The following FBXW8 variants were observed in gnomAD, a reference collection of about 807,000 sequenced individuals.
FBXW8 encodes the protein F-box/WD repeat-containing protein 8.
In FBXW8, 57 loss-of-function variants were observed where a neutral mutation model predicts 65.3. That is an observed-to-expected ratio of 0.87 (90% CI 0.71 to 1.09). FBXW8 has a LOEUF of 1.09. Ranked by LOEUF, FBXW8 falls within the 50% of genes least tolerant of loss-of-function variation. The pLI, the probability that FBXW8 is intolerant of heterozygous loss-of-function variation, is 0.00. For synonymous variants in FBXW8, 308 were observed against 330.2 expected (o/e 0.93, Z 0.73); for missense variants, 777 against 814.8 (o/e 0.95, Z 0.57).
chr12:117,027,900 A>C, intron 10 of FBXW8, 128 bp from the exon 11 acceptor site: 1 of 1,269,370 alleles, frequency 7.9e-7, no homozygotes, highest in Non-Finnish European at 1.1e-6. Flanking sequence ...CTGTGTGCCC[A>C]GAGAACGCGT....
chr12:116,975,298 A>T (rs543064223), intron 5 of FBXW8, among the ~76,000 whole-genome samples: 1 of 152,366 alleles, frequency 6.6e-6, no homozygotes, highest in South Asian at 2.1e-4. Flanking sequence ...CAACAGAAGT[A>T]TATTTCTGAC....
intron 5 of FBXW8, among the ~76,000 whole-genome samples, chr12:116,972,258 A>G (rs548259668): frequency 6.6e-6 from 1 of 152,334 alleles, no homozygotes; most frequent in Non-Finnish European, 1.5e-5. Context: ...TTTAGACTGG[A>G]GAAATAAATT....
rs936213412 is a variant in FBXW8, at chr12:117,010,421, C to T, written c.1338C>T (p.Asn446=). 2 of 1,614,242 alleles carry T rather than the reference C, an allele frequency of 1.2e-6. No individual in the cohort carries two copies. Among genetic ancestry groups the T allele is most frequent in the South Asian group, 1.1e-5 (1 of 91,088 alleles). The change falls in exon 8 of 11, where the codon AAC becomes AAT. Residue 446 remains asparagine, a synonymous_variant. Coordinates refer to ENST00000652555, the MANE Select transcript of FBXW8 (RefSeq NM_153348.3). Reference sequence around the variant, plus strand: ...TCAACCTCAGCGACAGCCCTCCCAACCTCATGGTCAGTGGCAACATGGACG... The same window carrying T: ...TCAACCTCAGCGACAGCCCTCCCAATCTCATGGTCAGTGGCAACATGGACG... ...TCVNLSDSPP[N]LMVSGNMDGR...
intron 7 of FBXW8, among the ~76,000 whole-genome samples, chr12:117,000,566 G>A (rs1210574994): frequency 6.6e-6 from 1 of 152,224 alleles, no homozygotes; most frequent in Non-Finnish European, 1.5e-5. Flanking sequence ...TGTCTAACAA[G>A]TGCCCAGAGC....
At chr12:116,914,392 G>A (rs1880234006) in intron 1 of FBXW8, among the ~76,000 whole-genome samples, 1 of 149,656 alleles carries the variant, frequency 6.7e-6, no homozygotes, top group African/African-American at 2.5e-5. Flanking sequence ...AAACCAACCT[G>A]GGCAACGTAG....
At chr12:117,023,205 T>C (rs1280582154) in intron 8 of FBXW8, among the ~76,000 whole-genome samples, 1 of 152,200 alleles carries the variant, frequency 6.6e-6, no homozygotes, top group Non-Finnish European at 1.5e-5. Context: ...GCACGGGACA[T>C]GTTTCAGAGA....
At chr12:116,989,006 G>C in intron 7 of FBXW8, 137 bp downstream of exon 7, 1 of 770,062 alleles carries the variant, frequency 1.3e-6, no homozygotes, top group South Asian at 2.0e-5. Context: ...AAAAATTCAA[G>C]AACTTCAAAA....
chr12:116,946,455 G>A (rs1882943211), intron 3 of FBXW8, among the ~76,000 whole-genome samples: 1 of 152,122 alleles, frequency 6.6e-6, no homozygotes, highest in Non-Finnish European at 1.5e-5. Flanking sequence ...TTTGTGCGGG[G>A]CTGTCCTGTG....
chr12:116,963,783 C>G (rs1214821181), intron 4 of FBXW8, among the ~76,000 whole-genome samples: 1 of 152,212 alleles, frequency 6.6e-6, no homozygotes, highest in Non-Finnish European at 1.5e-5. Context: ...TATGAACCCC[C>G]TTAAAATCAT....
intron 7 of FBXW8, among the ~76,000 whole-genome samples, chr12:117,005,108 A>G (rs527681000): frequency 1.3e-5 from 2 of 152,348 alleles, no homozygotes; most frequent in Admixed American, 1.3e-4. Flanking sequence ...TCTGAATAGT[A>G]TGAAGAGATC....
At position 116,910,978 on chromosome 12, in the gene FBXW8, G is replaced by T; in HGVS notation, c.-60G>T. 3 of 1,317,272 alleles carry T rather than the reference G, an allele frequency of 2.3e-6. No individual in the cohort carries two copies. In the South Asian group the frequency reaches 6.2e-5, roughly 27 times the overall value. 81.6% of individuals were successfully genotyped at this position (1,317,272 alleles called of 1,614,324 possible). A position where few individuals can be genotyped will look rare whatever the true frequency, so the allele number is the denominator to read the frequency against. ...GCCGCGGCGGACACTTCCCTGGGCG[G>T]GACTGTCTCGTGGCACCCGGTGGAA... On this transcript the variant is annotated 5_prime_UTR_variant, in exon 1 of 11. Transcript: ENST00000652555.
At position 116,949,759 on chromosome 12, in the gene FBXW8, T is replaced by G. The variant is rs1310828658; in HGVS notation, c.677+53T>G. 37 of 1,519,076 alleles carry G rather than the reference T, an allele frequency of 2.4e-5. 1 individual carries two copies. The South Asian group carries it at 4.1e-4, about 17-fold the overall frequency. The allele number at this position is 1,519,076 out of a possible 1,614,324, so 94.1% of individuals were successfully genotyped here. On this transcript the variant is annotated intron_variant, in intron 4 of 10. Transcript: ENST00000652555. ...TCTGCATCTGAAGGTCTTTCATTTT[T>G]CTCATACCACCCTCTGAGTACCAGT...
intron 5 of FBXW8, among the ~76,000 whole-genome samples, chr12:116,976,965 T>C (rs937270553): frequency 3.3e-5 from 5 of 152,210 alleles, no homozygotes; most frequent in Non-Finnish European, 5.9e-5. Flanking sequence ...TCCGTCTCTA[T>C]TGGGCTCTTG....
chr12:116,967,934 T>C (rs574938228), intron 5 of FBXW8, among the ~76,000 whole-genome samples: 13 of 152,170 alleles, frequency 8.5e-5, no homozygotes, highest in South Asian at 6.2e-4. Flanking sequence ...GCCCAGCTAA[T>C]TTTTTATATT....
chr12:116,946,907 G>A (rs1444677430), intron 3 of FBXW8, among the ~76,000 whole-genome samples: 3 of 152,068 alleles, frequency 2.0e-5, no homozygotes, highest in Admixed American at 6.5e-5. Context: ...GAATGTTAAC[G>A]GGGTCCTTTC....
chr12:117,012,491 AATATAGGG>A (rs1478197310), intron 8 of FBXW8, among the ~76,000 whole-genome samples: 3 of 152,174 alleles, frequency 2.0e-5, no homozygotes, highest in Non-Finnish European at 4.4e-5. Flanking sequence ...AGCAGCTTAG[AATATAGGG>A]GTTTAAAATC....
At position 116,955,037 on chromosome 12, in the gene FBXW8, G is replaced by GT. The variant is rs1491388361; in HGVS notation, c.677+5331_677+5332insT. ...GCTGTTGACTTTCCCCTCTTGAAAT[G>GT]GGGGGGGGGGGCCCTGTATTAAGCA... On this transcript the variant is annotated intron_variant, in intron 4 of 10. Transcript: ENST00000652555. Among the ~76,000 whole-genome samples, 5 of 21,394 alleles carry GT rather than the reference G, an allele frequency of 2.3e-4. No individual in the cohort carries two copies. The East Asian group carries it at 0.045, about 191-fold the overall frequency. 14.0% of individuals were successfully genotyped at this position (21,394 alleles called of 152,430 possible).
In FBXW8 at chr12:116,961,638, C is replaced by T. The variant is rs892955422; in HGVS notation, c.678-3059C>T. 5.9e-5 allele frequency among the ~76,000 whole-genome samples: 9 copies of T among 152,284 alleles called. No individual in the cohort carries two copies. In the East Asian group the frequency reaches 1.5e-3, roughly 26 times the overall value. On this transcript the variant is annotated intron_variant, in intron 4 of 10. Coordinates refer to ENST00000652555, the MANE Select transcript of FBXW8 (RefSeq NM_153348.3). The surrounding 1 kb of genome is among the most constrained non-coding windows in gnomAD (Gnocchi z 4.4). ...TCTAGTCTGTCTGTTCCAGTCATTG[C>T]ATGCACAGCTATGAACAAAACCCAG...
chr12:116,922,090 A>G (rs1880956643), intron 1 of FBXW8, among the ~76,000 whole-genome samples: 1 of 152,002 alleles, frequency 6.6e-6, no homozygotes. Context: ...TCAATCACCC[A>G]AAGTGTTGGG....
Sources: gnomAD v4.1 joint callset for allele counts (sites outside exome capture counted in the v4.1 genomes callset) on GRCh38, gnomAD v4.1.1 for gene constraint, Gnocchi (gnomAD v3.1) non-coding constraint, MANE v1.5 for transcripts, NCBI Gene and HGNC (gene_info 2026-07-23, HGNC 2026-07-21) for gene names.